ATP13A3: variants seen among roughly 807,000 people sequenced by gnomAD.
The protein encoded by ATP13A3 is ATPase 13A3, also known as polyamine-transporting ATPase 13A3.
In ATP13A3, 59 loss-of-function variants were observed where a neutral mutation model predicts 158.1. The ratio of observed to expected loss-of-function variants is 0.37; its 90% CI spans 0.30 to 0.46. ATP13A3 has a LOEUF of 0.46. Ranked by LOEUF, ATP13A3 falls within the 20% of genes least tolerant of loss-of-function variation. The probability of loss-of-function intolerance (pLI) is 1.00; values close to 1 mark genes in which losing one functional copy is unlikely to be tolerated. For missense variants in ATP13A3, 1,166 were observed against 1,525.2 expected, an observed-to-expected ratio of 0.76 and a Z score of 3.92; for synonymous variants, 491 against 504.3, an observed-to-expected ratio of 0.97 and a Z score of 0.35.
In ATP13A3 at chr3:194,463,814, T is replaced by C. The variant is rs918470808; in HGVS notation, c.-46-1578A>G. 3.9e-5 allele frequency among the ~76,000 whole-genome samples: 6 copies of C among 152,314 alleles called. No homozygotes were observed. The East Asian group carries it at 1.2e-3, about 29-fold the overall frequency. Reference sequence around the variant, plus strand: ...AATGCAGAATTTTAAAGTAACCCCATACATAAAGATTGTTGAAACTTCTTG... The same window carrying C: ...AATGCAGAATTTTAAAGTAACCCCACACATAAAGATTGTTGAAACTTCTTG... On this transcript the variant is annotated intron_variant, in intron 2 of 33. Transcript: ENST00000645319.
In ATP13A3 at chr3:194,474,160, A is replaced by G. The variant is rs541155352; in HGVS notation, c.-47+11634T>C. ...AAAACACCTAGTTAGAACAAATAAA[A>G]GAGTTTTTCGGGTTTTTTTAAGAGA... On this transcript the variant is annotated intron_variant, in intron 2 of 33. Coordinates refer to ENST00000645319, the MANE Select transcript of ATP13A3 (RefSeq NM_001367549.1). Among the ~76,000 whole-genome samples the G allele has an allele frequency of 3.3e-5, 5 of 152,194 alleles. No individual in the cohort carries two copies. The South Asian group carries it at 1.0e-3, about 32-fold the overall frequency.
intron 15 of ATP13A3, among the ~76,000 whole-genome samples, chr3:194,443,027 T>C (rs1414228424): frequency 6.8e-6 from 1 of 146,574 alleles, no homozygotes; most frequent in African/African-American, 2.5e-5. Context: ...TTTCTTAAAT[T>C]TGCTTTCACT....
chr3:194,420,847 A>T (rs1436030183), intron 30 of ATP13A3, among the ~76,000 whole-genome samples: 1 of 151,538 alleles, frequency 6.6e-6, no homozygotes, highest in Non-Finnish European at 1.5e-5. Flanking sequence ...CTGGACATTT[A>T]TTTACAACTT....
chr3:194,412,433 C>A, intron 32 of ATP13A3, 145 bp from the exon 33 acceptor site: 1 of 622,530 alleles, frequency 1.6e-6, no homozygotes, highest in South Asian at 2.0e-5. Flanking sequence ...TTAATACTGC[C>A]AAATGATCAA....
At chr3:194,420,798 A>G (rs984927474) in intron 30 of ATP13A3, among the ~76,000 whole-genome samples, 5 of 152,014 alleles carry the variant, frequency 3.3e-5, no homozygotes, top group African/African-American at 9.7e-5. Flanking sequence ...ATTTTCTAAT[A>G]TATTGATAGC....
chr3:194,418,289 T>G (rs527582316), intron 31 of ATP13A3, among the ~76,000 whole-genome samples: 86 of 151,918 alleles, frequency 5.7e-4, no homozygotes, highest in Middle Eastern at 3.4e-3. Context: ...GAGGAACAAA[T>G]AAAGAAAGAA....
intron 31 of ATP13A3, among the ~76,000 whole-genome samples, chr3:194,417,697 C>T (rs945113927): frequency 1.2e-4 from 18 of 152,050 alleles, no homozygotes; most frequent in African/African-American, 3.6e-4. Context: ...TTAATACTTT[C>T]GGAGGCTGAG....
At chr3:194,445,888 T>C (rs1388191608) in intron 14 of ATP13A3, among the ~76,000 whole-genome samples, 1 of 152,184 alleles carries the variant, frequency 6.6e-6, no homozygotes, top group Non-Finnish European at 1.5e-5. Flanking sequence ...TTCACACAGG[T>C]ACATAATTTG....
chr3:194,413,705 T>A, intron 32 of ATP13A3, 54 bp downstream of exon 32: 2 of 1,466,908 alleles, frequency 1.4e-6, no homozygotes, highest in Admixed American at 1.7e-5. Flanking sequence ...TACCATTAAA[T>A]CACCCAAGAA....
chr3:194,421,173 T>A (rs1716336627), intron 30 of ATP13A3, among the ~76,000 whole-genome samples: 17 of 86,400 alleles, frequency 2.0e-4, no homozygotes, highest in East Asian at 3.1e-4. Context: ...ATATATAGTT[T>A]TAGTAGCTTA....
At chr3:194,433,034 T>C (rs1346734580) in intron 21 of ATP13A3, among the ~76,000 whole-genome samples, 1 of 152,108 alleles carries the variant, frequency 6.6e-6, no homozygotes, top group Admixed American at 6.5e-5. Flanking sequence ...ATTTTCTATG[T>C]AGCTGACAGT....
At chr3:194,442,682 A>G (rs1396114140) in intron 15 of ATP13A3, among the ~76,000 whole-genome samples, 1 of 152,152 alleles carries the variant, frequency 6.6e-6, no homozygotes, top group African/African-American at 2.4e-5. Context: ...TGGAAGTAAA[A>G]AAGGCCTGAA....
chr3:194,443,799 T>G (rs952854567), intron 15 of ATP13A3, among the ~76,000 whole-genome samples: 1 of 152,078 alleles, frequency 6.6e-6, no homozygotes, highest in African/African-American at 2.4e-5. Flanking sequence ...AGTAAAGAGA[T>G]GAGCCAGAGA....
intron 2 of ATP13A3, among the ~76,000 whole-genome samples, chr3:194,475,486 G>GA (rs2109037379): frequency 6.6e-6 from 1 of 152,186 alleles, no homozygotes; most frequent in East Asian, 1.9e-4. Context: ...ATGAATTTGG[G>GA]TTTTTCTACT....
At chr3:194,455,540 T>C (rs1013846863) in intron 8 of ATP13A3, among the ~76,000 whole-genome samples, 4 of 152,188 alleles carry the variant, frequency 2.6e-5, no homozygotes, top group Non-Finnish European at 5.9e-5. Context: ...ATAAGCAACA[T>C]TACATGGCCA....
intron 8 of ATP13A3, among the ~76,000 whole-genome samples, chr3:194,455,048 C>T (rs1036490163): frequency 8.5e-5 from 13 of 152,110 alleles, no homozygotes; most frequent in Non-Finnish European, 1.9e-4. Context: ...GTGCTCTGGG[C>T]TAATAGAATA....
chr3:194,418,297 G>T (rs920244244), intron 31 of ATP13A3, among the ~76,000 whole-genome samples: 1 of 152,004 alleles, frequency 6.6e-6, no homozygotes, highest in Non-Finnish European at 1.5e-5. Context: ...AATAAAGAAA[G>T]AAATTAATAA....
intron 2 of ATP13A3, among the ~76,000 whole-genome samples, chr3:194,483,547 G>A (rs3900815): frequency 0.2 from 30,326 of 151,914 alleles, 6,114 homozygotes; most frequent in African/African-American, 0.52. Flanking sequence ...CCATGACAGA[G>A]CCACTGCACT....
At chr3:194,458,994 A>G (rs547680340) in intron 6 of ATP13A3, 26 of 154,270 alleles carry the variant, frequency 1.7e-4, no homozygotes, top group African/African-American at 6.3e-4. Flanking sequence ...ATGTGTACTT[A>G]TATAACTTAA....
Sources: gnomAD v4.1 joint callset for allele counts (sites outside exome capture counted in the v4.1 genomes callset) on GRCh38, gnomAD v4.1.1 for gene constraint, MANE v1.5 for transcripts, NCBI Gene and HGNC (gene_info 2026-07-23, HGNC 2026-07-21) for gene names.